Variants in SIPA1L1 observed in about 807,000 individuals in gnomAD.
The protein encoded by SIPA1L1 is signal-induced proliferation-associated 1-like protein 1.
A neutral mutation model predicts 162.7 loss-of-function variants in SIPA1L1; 26 were observed. That is an observed-to-expected ratio of 0.16 (90% CI 0.12 to 0.22). The LOEUF (loss-of-function observed/expected upper bound fraction) is 0.22. SIPA1L1 is among the 10% of genes least tolerant of loss of function. SIPA1L1 has a pLI of 1.00. For missense variants in SIPA1L1, 1,874 were observed against 2,241.0 expected, an observed-to-expected ratio of 0.84 and a Z score of 3.31; for synonymous variants, 829 against 837.4, an observed-to-expected ratio of 0.99 and a Z score of 0.17.
chr14:71,380,732 G>A (rs1490541971), intron 2 of SIPA1L1, among the ~76,000 whole-genome samples: 1 of 152,156 alleles, frequency 6.6e-6, no homozygotes, highest in African/African-American at 2.4e-5. Context: ...AAGTAGAGTA[G>A]GGATACAATA....
At chr14:71,654,569 A>T (rs1362769069) in intron 8 of SIPA1L1, among the ~76,000 whole-genome samples, 1 of 152,016 alleles carries the variant, frequency 6.6e-6, no homozygotes, top group Non-Finnish European at 1.5e-5. Flanking sequence ...TTTCTCCTCC[A>T]TTTTTCAGCA....
intron 2 of SIPA1L1, among the ~76,000 whole-genome samples, chr14:71,381,748 T>C (rs2039923180): frequency 2.0e-5 from 3 of 152,214 alleles, no homozygotes; most frequent in African/African-American, 7.2e-5. Context: ...GGTGATTTTC[T>C]GTATTTCTGA....
At position 71,613,745 on chromosome 14, in the gene SIPA1L1, AC is replaced by A. The variant is rs568672090; in HGVS notation, c.1499-5011del. On this transcript the variant is annotated intron_variant, in intron 5 of 23. Transcript: ENST00000381232. The stretch of plus-strand genomic sequence containing the variant: ...CAGTTGTGGATTTGACTAGAAGAAC[AC>A]TTTGTAATTATGGATATCTTCACTA... Among the ~76,000 whole-genome samples, 16 of 152,314 alleles carry A rather than the reference AC, an allele frequency of 1.1e-4. 1 individual carries two copies. In the South Asian group the frequency reaches 3.1e-3, roughly 30 times the overall value.
At chr14:71,408,986 C>T (rs893726908) in intron 2 of SIPA1L1, among the ~76,000 whole-genome samples, 1 of 152,076 alleles carries the variant, frequency 6.6e-6, no homozygotes. Context: ...TCTTGTATGT[C>T]GAGGAACTCG....
At chr14:71,671,067 G>C in intron 10 of SIPA1L1, 52 bp from the exon 11 acceptor site, 1 of 1,382,266 alleles carries the variant, frequency 7.2e-7, no homozygotes. Flanking sequence ...TTATTCTGAT[G>C]TTGTGAGACT....
At chr14:71,487,017 T>C (rs1179263322) in intron 2 of SIPA1L1, among the ~76,000 whole-genome samples, 1 of 152,210 alleles carries the variant, frequency 6.6e-6, no homozygotes, top group African/African-American at 2.4e-5. Flanking sequence ...CTGCTTTGGG[T>C]AGCTACGCTG....
chr14:71,640,822 A>G (rs570100752), intron 7 of SIPA1L1, among the ~76,000 whole-genome samples: 19 of 152,242 alleles, frequency 1.2e-4, no homozygotes, highest in African/African-American at 4.6e-4. Flanking sequence ...ACGGGGTTTC[A>G]CTGTGTTGGC....
At chr14:71,471,406 T>C (rs907735457) in intron 2 of SIPA1L1, among the ~76,000 whole-genome samples, 9 of 152,098 alleles carry the variant, frequency 5.9e-5, no homozygotes, top group African/African-American at 1.9e-4. Flanking sequence ...GAGGCGGAGA[T>C]TGCAGTGAGC....
At chr14:71,544,019 A>C (rs529829610) in intron 4 of SIPA1L1, among the ~76,000 whole-genome samples, 1 of 147,114 alleles carries the variant, frequency 6.8e-6, no homozygotes, top group Non-Finnish European at 1.5e-5. Flanking sequence ...ATATATACAC[A>C]TACGCACATG....
chr14:71,571,345 A>G (rs2031968610), intron 4 of SIPA1L1, among the ~76,000 whole-genome samples: 1 of 152,188 alleles, frequency 6.6e-6, no homozygotes, highest in Admixed American at 6.5e-5. Flanking sequence ...AGGAAAAGGA[A>G]TTAATCAAAG....
At position 71,661,484 on chromosome 14, in the gene SIPA1L1, C is replaced by G; in HGVS notation, c.2255+17C>G. 6.2e-7 allele frequency: 1 copy of G among 1,605,840 alleles called. No homozygotes were observed. The highest frequency in any genetic ancestry group is 8.5e-7 in the Non-Finnish European group (1 of 1,174,300). ...CTGTTATAGGTGTGTATGGGTGTCA[C>G]AGCAGGGGCTCTGTGGATGTTGGCT... On this transcript the variant is annotated intron_variant, in intron 10 of 23. Coordinates refer to ENST00000381232, the MANE Select transcript of SIPA1L1 (RefSeq NM_001386936.1).
intron 14 of SIPA1L1, 154 bp from the exon 15 acceptor site, chr14:71,702,227 G>A (rs1566687950): frequency 1.5e-5 from 11 of 716,634 alleles, no homozygotes; most frequent in South Asian, 3.7e-5. Flanking sequence ...CCACACCCAC[G>A]TAAACACGAA....
intron 2 of SIPA1L1, among the ~76,000 whole-genome samples, chr14:71,436,507 TTA>T (rs2044388241): frequency 6.6e-6 from 1 of 152,186 alleles, no homozygotes; most frequent in African/African-American, 2.4e-5. Context: ...ATTGAACAAT[TTA>T]TCTTTTCCAC....
intron 9 of SIPA1L1, 38 bp from the exon 10 acceptor site, chr14:71,661,272 G>T (rs1355674162): frequency 1.2e-6 from 2 of 1,604,156 alleles, no homozygotes; most frequent in South Asian, 2.2e-5. Flanking sequence ...GGAAGCAAAT[G>T]ATTGTTATTT....
intron 7 of SIPA1L1, among the ~76,000 whole-genome samples, chr14:71,644,799 G>C (rs1328101340): frequency 3.3e-5 from 5 of 152,172 alleles, no homozygotes; most frequent in African/African-American, 1.2e-4. Context: ...TTTTCCTGAA[G>C]TAACAGGCTC....
chr14:71,551,756 C>T (rs912161426), intron 4 of SIPA1L1, among the ~76,000 whole-genome samples: 13 of 152,060 alleles, frequency 8.5e-5, no homozygotes, highest in African/African-American at 2.7e-4. Flanking sequence ...TTCCCTTTCC[C>T]CTCCAGCCAC....
At chr14:71,411,051 T>C (rs542261612) in intron 2 of SIPA1L1, among the ~76,000 whole-genome samples, 2 of 152,310 alleles carry the variant, frequency 1.3e-5, no homozygotes, top group African/African-American at 4.8e-5. Context: ...AAAAGAACTT[T>C]TGAAAACTCA....
chr14:71,644,352 C>T (rs993032789), intron 7 of SIPA1L1, among the ~76,000 whole-genome samples: 10 of 152,166 alleles, frequency 6.6e-5, no homozygotes, highest in African/African-American at 2.4e-4. Context: ...GCCATCCTCC[C>T]ACCTTAGCTT....
intron 4 of SIPA1L1, among the ~76,000 whole-genome samples, chr14:71,539,329 C>T (rs1473689741): frequency 6.6e-6 from 1 of 152,184 alleles, no homozygotes; most frequent in African/African-American, 2.4e-5. Flanking sequence ...ATTCTCTATT[C>T]ACTACATGAT....
Sources: allele counts gnomAD v4.1 joint callset (sites outside exome capture counted in the v4.1 genomes callset), GRCh38; gene constraint gnomAD v4.1.1; transcripts MANE v1.5; gene names NCBI Gene and HGNC (gene_info 2026-07-23, HGNC 2026-07-21).